The following ABCA13 variants were observed in gnomAD, a reference collection of about 807,000 sequenced individuals.
The protein encoded by ABCA13 is ATP-binding cassette sub-family A member 13.
In ABCA13, 476 loss-of-function variants were observed where a neutral mutation model predicts 478.7. The ratio of observed to expected loss-of-function variants is 0.99; its 90% CI spans 0.92 to 1.07. The LOEUF is 1.07. Ranked by LOEUF, ABCA13 falls within the 50% of genes least tolerant of loss-of-function variation. ABCA13 has a pLI of 0.00. For synonymous variants in ABCA13, 2,252 were observed against 2,158.9 expected (o/e 1.04, Z -1.20); for missense variants, 6,060 against 5,910.6 (o/e 1.03, Z -0.83).
chr7:48,171,712 G>A (rs1294217632), intron 1 of ABCA13, among the ~76,000 whole-genome samples, 160 bp downstream of exon 1: 4 of 152,218 alleles, frequency 2.6e-5, no homozygotes, highest in East Asian at 3.8e-4. Context: ...CCCGTCCCAA[G>A]GGCCAAAGTA....
intron 23 of ABCA13, among the ~76,000 whole-genome samples, chr7:48,309,033 G>GCACACCCACA (rs1801341116): frequency 7.2e-6 from 1 of 138,050 alleles, no homozygotes. Context: ...ACACATGACT[G>GCACACCCACA]CACACACACA....
At chr7:48,260,350 A>C (rs573778049) in intron 15 of ABCA13, among the ~76,000 whole-genome samples, 1 of 152,168 alleles carries the variant, frequency 6.6e-6, no homozygotes, top group Non-Finnish European at 1.5e-5. Context: ...AGTTGATGAT[A>C]GTTCTGTTTT....
chr7:48,495,904 A>C (rs1438415167), intron 48 of ABCA13, among the ~76,000 whole-genome samples: 1 of 152,112 alleles, frequency 6.6e-6, no homozygotes. Flanking sequence ...ATTTTATCTG[A>C]TCTCAACATA....
chr7:48,529,744 G>A (rs1052409516), intron 55 of ABCA13, among the ~76,000 whole-genome samples: 10 of 151,140 alleles, frequency 6.6e-5, no homozygotes, highest in Non-Finnish European at 1.3e-4. Flanking sequence ...AATTTGGAAA[G>A]AACTAACATT....
intron 9 of ABCA13, 94 bp from the exon 10 acceptor site, chr7:48,240,773 T>A (rs896991099): frequency 1.0e-6 from 1 of 993,274 alleles, no homozygotes; most frequent in African/African-American, 1.7e-5. Context: ...TGGCTGTCTG[T>A]CATCTAGAGT....
intron 3 of ABCA13, among the ~76,000 whole-genome samples, chr7:48,207,696 T>C (rs1294184043): frequency 6.6e-6 from 1 of 152,194 alleles, no homozygotes; most frequent in Non-Finnish European, 1.5e-5. Context: ...TTCTGGTTAT[T>C]AATCCCTTGT....
intron 47 of ABCA13, among the ~76,000 whole-genome samples, chr7:48,486,869 A>G (rs1829354400): frequency 6.6e-6 from 1 of 152,206 alleles, no homozygotes; most frequent in Admixed American, 6.5e-5. Flanking sequence ...TCAGGAACAT[A>G]CATGTGCCTC....
intron 42 of ABCA13, among the ~76,000 whole-genome samples, chr7:48,447,877 A>G (rs1002388134): frequency 6.6e-6 from 1 of 152,214 alleles, no homozygotes; most frequent in Non-Finnish European, 1.5e-5. Context: ...TGAAGAAGAC[A>G]GGTAAGTGGA....
chr7:48,187,673 T>C (rs1562729072), intron 1 of ABCA13, among the ~76,000 whole-genome samples: 1 of 152,100 alleles, frequency 6.6e-6, no homozygotes, highest in Non-Finnish European at 1.5e-5. Context: ...TTTCTTTTTA[T>C]GGTTTCTAAA....
chr7:48,370,443 G>A (rs1039696968), intron 32 of ABCA13, among the ~76,000 whole-genome samples: 2 of 152,084 alleles, frequency 1.3e-5, no homozygotes, highest in African/African-American at 4.8e-5. Flanking sequence ...AATAGTAGTG[G>A]TGAAAGTGGG....
chr7:48,533,559 C>G (rs1833380022), intron 55 of ABCA13, among the ~76,000 whole-genome samples: 1 of 152,016 alleles, frequency 6.6e-6, no homozygotes, highest in African/African-American at 2.4e-5. Flanking sequence ...GACTTTCTGT[C>G]TTGGTGACCT....
intron 55 of ABCA13, among the ~76,000 whole-genome samples, chr7:48,553,625 A>G (rs1187363165): frequency 1.3e-5 from 2 of 151,978 alleles, no homozygotes; most frequent in South Asian, 2.1e-4. Context: ...CAAAATGTCT[A>G]TTCAGATTTT....
intron 1 of ABCA13, among the ~76,000 whole-genome samples, chr7:48,184,033 T>G (rs1796043468): frequency 1.3e-5 from 2 of 152,212 alleles, no homozygotes. Context: ...CCATAGAATT[T>G]GCAAATCCTT....
At chr7:48,467,681 G>A (rs1827034488) in intron 44 of ABCA13, among the ~76,000 whole-genome samples, 4 of 152,008 alleles carry the variant, frequency 2.6e-5, no homozygotes, top group Admixed American at 2.6e-4. Flanking sequence ...ATATGGCCCT[G>A]GTCTCAAGGA....
In ABCA13 at chr7:48,643,281, C is replaced by T; in HGVS notation, c.14838-7C>T. Reference sequence around the variant, plus strand: ...ATAATCATGTTTCTATTTTATTTAACTCTCAGGTTTGGTGATGGTTATACA... The same window carrying T: ...ATAATCATGTTTCTATTTTATTTAATTCTCAGGTTTGGTGATGGTTATACA... On this transcript the variant is annotated splice_region_variant and splice_polypyrimidine_tract_variant and intron_variant, in intron 59 of 61. Coordinates refer to ENST00000435803, the MANE Select transcript of ABCA13 (RefSeq NM_152701.5). 1 of 1,566,524 alleles carries T rather than the reference C, an allele frequency of 6.4e-7. No individual in the cohort carries two copies. The highest frequency in any genetic ancestry group is 8.7e-7 in the Non-Finnish European group (1 of 1,147,712).
At chr7:48,560,287 T>A (rs1786317112) in intron 55 of ABCA13, among the ~76,000 whole-genome samples, 3 of 152,154 alleles carry the variant, frequency 2.0e-5, no homozygotes, top group South Asian at 4.1e-4. Flanking sequence ...TTTTGCTCTC[T>A]GCTGTGACAG....
chr7:48,498,168 G>A (rs1425693825), intron 48 of ABCA13, among the ~76,000 whole-genome samples: 3 of 152,136 alleles, frequency 2.0e-5, no homozygotes, highest in Admixed American at 1.3e-4. Context: ...GTGGGGAGTG[G>A]AAGATTCACT....
At chr7:48,454,951 C>T in intron 42 of ABCA13, 86 bp from the exon 43 acceptor site, 1 of 1,417,518 alleles carries the variant, frequency 7.1e-7, no homozygotes, top group Non-Finnish European at 9.2e-7. Context: ...CGAGATGCCG[C>T]AGGGTCACCG....
At chr7:48,545,207 A>G (rs1372791565) in intron 55 of ABCA13, among the ~76,000 whole-genome samples, 1 of 151,670 alleles carries the variant, frequency 6.6e-6, no homozygotes, top group Non-Finnish European at 1.5e-5. Flanking sequence ...TTGAACTGAA[A>G]CTCTGTATAA....
Sources: allele counts gnomAD v4.1 joint callset (sites outside exome capture counted in the v4.1 genomes callset), GRCh38; gene constraint gnomAD v4.1.1; transcripts MANE v1.5; gene names NCBI Gene and HGNC (gene_info 2026-07-23, HGNC 2026-07-21).